The following TECTA variants were observed in gnomAD, a reference collection of about 807,000 sequenced individuals.
The protein encoded by TECTA is tectorin alpha.
TECTA carries 128 observed loss-of-function variants against 216.8 expected under a neutral mutation model. The ratio of observed to expected loss-of-function variants is 0.59; its 90% CI spans 0.51 to 0.68. TECTA has a LOEUF of 0.68. Ranked by LOEUF, TECTA falls within the 30% of genes least tolerant of loss-of-function variation. TECTA has a pLI of 0.00. For synonymous variants in TECTA, 1,089 were observed against 1,117.1 expected (o/e 0.97, Z 0.50); for missense variants, 2,551 against 2,786.2 (o/e 0.92, Z 1.90).
chr11:121,185,098 G>A (rs1947268733), intron 20 of TECTA, among the ~76,000 whole-genome samples: 1 of 152,210 alleles, frequency 6.6e-6, no homozygotes, highest in South Asian at 2.1e-4. Flanking sequence ...GAGTGAGCCG[G>A]AGAGCATGTT....
chr11:121,139,051 C>A (rs1310402233), intron 11 of TECTA, among the ~76,000 whole-genome samples: 1 of 152,182 alleles, frequency 6.6e-6, no homozygotes, highest in Non-Finnish European at 1.5e-5. Context: ...CCTCAACTTT[C>A]TTCTCTGACA....
At chr11:121,178,544 G>GTT (rs1228488557) in intron 20 of TECTA, among the ~76,000 whole-genome samples, 1 of 149,960 alleles carries the variant, frequency 6.7e-6, no homozygotes, top group Non-Finnish European at 1.5e-5. Context: ...GTGTGTGTGT[G>GTT]TGTGTGTGTG....
In TECTA at chr11:121,137,951, G is replaced by A. The variant is rs778003648; in HGVS notation, c.3472G>A (p.Val1158Ile). The change falls in exon 11 of 24, where the codon GTT becomes ATT. Residue 1158 changes from valine (V) to isoleucine (I), a missense_variant. By Grantham distance (29) the Val-to-Ile change is conservative (BLOSUM62 3). Transcript: ENST00000392793. Reference sequence around the variant, plus strand: ...CCGGGACCCGTCACTGGCCTTGTGGGTTAAGCAGGTGGACGTGACCGTGTT... The same window carrying A: ...CCGGGACCCGTCACTGGCCTTGTGGATTAAGCAGGTGGACGTGACCGTGTT... ...EDRDPSLALW[V>I]KQVDVTVFGY... 3.7e-6 allele frequency: 6 copies of A among 1,612,434 alleles called. No homozygotes were observed. Among genetic ancestry groups the A allele is most frequent in the Non-Finnish European group, 4.2e-6 (5 of 1,178,600 alleles).
intron 10 of TECTA, 107 bp from the exon 11 acceptor site, chr11:121,137,314 A>C: frequency 7.0e-7 from 1 of 1,438,786 alleles, no homozygotes; most frequent in Non-Finnish European, 9.7e-7. Context: ...ACACACGCAC[A>C]TGCACTCACA....
chr11:121,153,013 T>A lies in TECTA; in HGVS notation c.4238T>A (p.Val1413Asp). 6.2e-7 allele frequency: 1 copy of A among 1,614,202 alleles called. No homozygotes were observed. The highest frequency in any genetic ancestry group is 8.5e-7 in the Non-Finnish European group (1 of 1,180,024). The change falls in exon 13 of 24, where the codon GTC (valine) becomes GAC (aspartate). Residue 1413 changes from valine (V) to aspartate (D), a missense_variant. By Grantham distance (152) the Val-to-Asp change is radical (BLOSUM62 -3). Transcript: ENST00000392793. ...GGCTGTCACTGCGACGCTGGCTACG[T>A]CCTCAACGGCAAGAGCTGCATCCTG... Reference protein sequence around the residue: ...VEGCHCDAGYVLNGKSCILPH... With the variant: ...VEGCHCDAGYDLNGKSCILPH...
In TECTA at chr11:121,168,764, C is replaced by T. The variant is rs749369141; in HGVS notation, c.5838C>T (p.Tyr1946=). 3.0e-5 allele frequency: 48 copies of T among 1,614,068 alleles called. No homozygotes were observed. The highest frequency in any genetic ancestry group is 3.8e-5 in the Non-Finnish European group (45 of 1,180,036). The stretch of plus-strand genomic sequence containing the variant: ...AAAACGCCTCCTACAAACATCCTTA[C>T]CGCCAGGGTGAAGTAGTGTTGACGA... ...LYKNASYKHP[Y]RQGEVVLTTR... The change falls in exon 20 of 24, where the codon TAC becomes TAT. Residue 1946 remains tyrosine, a synonymous_variant. Coordinates refer to ENST00000392793, the MANE Select transcript of TECTA (RefSeq NM_005422.4).
chr11:121,106,023 G>A, intron 3 of TECTA, 59 bp downstream of exon 3: 1 of 1,613,186 alleles, frequency 6.2e-7, no homozygotes, highest in South Asian at 1.1e-5. Flanking sequence ...TTGTCATTAA[G>A]AAAAGCATTT....
chr11:121,113,107 C>A lies in TECTA; in HGVS notation c.522C>A (p.Gly174=). ...TCCAGGCCGTCCTAGTGTCCGATGG[C>A]TCCTATACATTCACCCTCTTCAATT... ...NTFQAVLVSD[G]SYTFTLFNYY... is the part of the protein sequence containing the mutation. The change falls in exon 5 of 24, where the codon GGC becomes GGA. Residue 174 remains glycine, a synonymous_variant. Transcript: ENST00000392793. This position sits in a 1 kb window ranked among gnomAD's most constrained non-coding sequence, Gnocchi z 4.2. 6.2e-7 allele frequency: 1 copy of A among 1,614,138 alleles called. No individual in the cohort carries two copies. Among genetic ancestry groups the A allele is most frequent in the African/African-American group, 1.3e-5 (1 of 75,048 alleles).
intron 21 of TECTA, among the ~76,000 whole-genome samples, chr11:121,188,566 G>T (rs936072132): frequency 6.6e-6 from 1 of 152,198 alleles, no homozygotes; most frequent in Middle Eastern, 3.2e-3. Flanking sequence ...TGAGGGATGA[G>T]GTAGCAAACC....
At position 121,113,792 on chromosome 11, in the gene TECTA, G is replaced by C. The variant is rs1013511035; in HGVS notation, c.790+74G>C. On this transcript the variant is annotated intron_variant, in intron 6 of 23. Coordinates refer to ENST00000392793, the MANE Select transcript of TECTA (RefSeq NM_005422.4). The surrounding 1 kb of genome is among the most constrained non-coding windows in gnomAD (Gnocchi z 4.2). The stretch of plus-strand genomic sequence containing the variant: ...ATTGACAGGCAAGCTTTTAAGCCAC[G>C]GGGGCGGACTCATTCCTGATGCCTT... The C allele has an allele frequency of 2.7e-4, 426 of 1,568,078 alleles. No homozygotes were observed. Among genetic ancestry groups the C allele is most frequent in the Non-Finnish European group, 3.5e-4 (396 of 1,147,304 alleles).
intron 7 of TECTA, among the ~76,000 whole-genome samples, chr11:121,124,854 G>A (rs1348695183): frequency 1.3e-5 from 2 of 152,208 alleles, no homozygotes; most frequent in East Asian, 1.9e-4. Context: ...GCACACACTC[G>A]AGCTGAGAGT....
At chr11:121,189,284 C>CGGTTT in intron 22 of TECTA, 117 bp downstream of exon 22, 1 of 966,950 alleles carries the variant, frequency 1.0e-6, no homozygotes, top group East Asian at 2.6e-5. Flanking sequence ...TTGGGGACAC[C>CGGTTT]GGTTTGAGAA....
intron 14 of TECTA, among the ~76,000 whole-genome samples, chr11:121,158,721 C>G (rs1402775458): frequency 6.6e-6 from 1 of 152,002 alleles, no homozygotes; most frequent in Admixed American, 6.6e-5. Context: ...CCGAGGGCCC[C>G]GTGATGACAT....
chr11:121,164,167 G>C (rs1435597774), intron 16 of TECTA, among the ~76,000 whole-genome samples: 1 of 152,006 alleles, frequency 6.6e-6, no homozygotes, highest in East Asian at 1.9e-4. Context: ...TGTGTGTGTG[G>C]GTATGTGTGT....
intron 6 of TECTA, among the ~76,000 whole-genome samples, chr11:121,117,376 C>G (rs898926725): frequency 6.6e-6 from 1 of 152,166 alleles, no homozygotes. Flanking sequence ...AATCCCCCAG[C>G]AAGGACTAGA....
intron 12 of TECTA, among the ~76,000 whole-genome samples, chr11:121,149,653 G>T (rs1438055729): frequency 6.6e-6 from 1 of 152,162 alleles, no homozygotes; most frequent in Admixed American, 6.5e-5. Context: ...TCAAATCCAG[G>T]TTGGTCTGAT....
rs141488594 is a variant in TECTA at position 121,125,418 on chromosome 11, T to C, written c.1320T>C (p.Asp440=). Residue 440 remains aspartate, a synonymous_variant, in exon 8 of 24, where the codon GAT becomes GAC. Coordinates refer to ENST00000392793, the MANE Select transcript of TECTA (RefSeq NM_005422.4). The part of the protein sequence containing the change: ...ETDFGLLVTF[D]GQHYASISVP... Reference sequence around the variant, plus strand: ...ATTTTGGGCTCTTAGTGACTTTTGATGGCCAGCACTACGCCTCCATTTCCG... The same window carrying C: ...ATTTTGGGCTCTTAGTGACTTTTGACGGCCAGCACTACGCCTCCATTTCCG... 37 of 1,614,238 alleles carry C rather than the reference T, an allele frequency of 2.3e-5. No homozygotes were observed. In the African/African-American group the frequency reaches 3.9e-4, roughly 17 times the overall value.
At chr11:121,149,645 A>G (rs1946871141) in intron 12 of TECTA, among the ~76,000 whole-genome samples, 1 of 152,230 alleles carries the variant, frequency 6.6e-6, no homozygotes, top group African/African-American at 2.4e-5. Context: ...GCGAGGCCTC[A>G]AATCCAGGTT....
intron 7 of TECTA, among the ~76,000 whole-genome samples, chr11:121,122,672 CAAAAAAA>C (rs33994765): frequency 1.0e-4 from 5 of 48,908 alleles, no homozygotes; most frequent in Admixed American, 4.9e-4. Context: ...CCTGTCTCTC[CAAAAAAA>C]AAAAAAAAAA....
Sources: gnomAD v4.1 joint callset for allele counts (sites outside exome capture counted in the v4.1 genomes callset) on GRCh38, gnomAD v4.1.1 for gene constraint, Gnocchi (gnomAD v3.1) non-coding constraint, MANE v1.5 for transcripts, NCBI Gene and HGNC (gene_info 2026-07-23, HGNC 2026-07-21) for gene names.